The following ATP11C variants were observed in gnomAD, a reference collection of about 807,000 sequenced individuals.
The protein encoded by ATP11C is phospholipid-transporting ATPase IG.
In ATP11C, 36 loss-of-function variants were observed where a neutral mutation model predicts 97.4. That is an observed-to-expected ratio of 0.37 (90% confidence interval 0.28 to 0.49). ATP11C has a LOEUF of 0.49. ATP11C is among the 20% of genes least tolerant of loss of function. The pLI is 0.98. For synonymous variants in ATP11C, 275 were observed against 290.9 expected (o/e 0.95, Z 0.56); for missense variants, 730 against 824.6 (o/e 0.89, Z 1.40).
intron 1 of ATP11C, among the ~76,000 whole-genome samples, chrX:139,865,618 C>T (rs1424592281): frequency 3.6e-5 from 4 of 109,810 alleles, no homozygotes; most frequent in Non-Finnish European, 5.7e-5. Flanking sequence ...AAAAATTAGC[C>T]GGGCGTGGTG....
chrX:139,920,174 T>C (rs777074252), intron 1 of ATP11C, among the ~76,000 whole-genome samples: 3 of 109,438 alleles, frequency 2.7e-5, no homozygotes, highest in South Asian at 3.9e-4. Flanking sequence ...CTAGCCAACA[T>C]AGCAAAACCC....
intron 19 of ATP11C, among the ~76,000 whole-genome samples, chrX:139,770,617 G>A (rs1195008186): frequency 9.0e-6 from 1 of 110,652 alleles, no homozygotes; most frequent in Non-Finnish European, 1.9e-5. Context: ...AGGTGAGAAT[G>A]GGGGTATGAA....
chrX:139,830,902 AGGGCTGAAG>A (rs2147894780), intron 1 of ATP11C, among the ~76,000 whole-genome samples: 1 of 111,096 alleles, frequency 9.0e-6, no homozygotes, highest in East Asian at 2.8e-4. Flanking sequence ...TTTCCATACT[AGGGCTGAAG>A]GGGTGGGGGT....
chrX:139,925,305 G>C (rs2085333190), intron 1 of ATP11C, among the ~76,000 whole-genome samples: 1 of 111,863 alleles, frequency 8.9e-6, no homozygotes, highest in Non-Finnish European at 1.9e-5. Context: ...TATTATTTGA[G>C]ATGGAGTTTT....
intron 20 of ATP11C, among the ~76,000 whole-genome samples, chrX:139,767,960 A>C (rs146086946): frequency 1.2e-3 from 137 of 111,379 alleles, no homozygotes; most frequent in African/African-American, 4.1e-3. Context: ...ACACAGAGCT[A>C]ATGTCATAAG....
intron 2 of ATP11C, among the ~76,000 whole-genome samples, chrX:139,824,959 C>G (rs1359285161): frequency 9.0e-6 from 1 of 111,502 alleles, no homozygotes; most frequent in African/African-American, 3.3e-5. Flanking sequence ...GGTATAAATA[C>G]AAACAGCCAA....
rs574388667 is a variant in ATP11C at position 139,746,459 on chromosome X, T to G, written c.2829-602A>C. 1.6e-4 allele frequency among the ~76,000 whole-genome samples: 18 copies of G among 112,091 alleles called. No homozygotes were observed. The East Asian group carries it at 2.5e-3, about 16-fold the overall frequency. On this transcript the variant is annotated intron_variant, in intron 24 of 29. Transcript: ENST00000682941. ...TGTAGCAGCCGTGCCAAAGTTCACTTGGTAACAGACTGAGCTAATATACAA... is the reference window on the plus strand; with the variant it reads ...TGTAGCAGCCGTGCCAAAGTTCACTGGGTAACAGACTGAGCTAATATACAA...
At chrX:139,802,154 G>C (rs1255798404) in intron 7 of ATP11C, 82 bp downstream of exon 7, 14 of 682,867 alleles carry the variant, frequency 2.1e-5, no homozygotes, top group Non-Finnish European at 3.3e-5. Flanking sequence ...CTGGTAAGTG[G>C]TGGGTGTTTC....
At chrX:139,915,252 CT>C (rs1464025398) in intron 1 of ATP11C, among the ~76,000 whole-genome samples, 1 of 111,885 alleles carries the variant, frequency 8.9e-6, no homozygotes, top group Non-Finnish European at 1.9e-5. Flanking sequence ...CTGGTACCCC[CT>C]AAAGTTGCAA....
intron 1 of ATP11C, among the ~76,000 whole-genome samples, chrX:139,874,164 T>A (rs1049050782): frequency 9.5e-6 from 1 of 105,372 alleles, no homozygotes; most frequent in African/African-American, 3.5e-5. Context: ...TGCCTCAGCC[T>A]CCCGAGTACC....
intron 1 of ATP11C, among the ~76,000 whole-genome samples, chrX:139,836,704 A>G (rs2083755689): frequency 8.9e-6 from 1 of 111,772 alleles, no homozygotes; most frequent in Admixed American, 9.5e-5. Flanking sequence ...TAGAGGGTAC[A>G]TTGGTTCTTT....
Position 139,778,615 on chromosome X carries a change from C to T in ATP11C, c.1953-3662G>A, listed in dbSNP as rs1243813358. On this transcript the variant is annotated intron_variant, in intron 18 of 29. Coordinates refer to ENST00000682941, the MANE Select transcript of ATP11C (RefSeq NM_001353812.2). Reference sequence around the variant, plus strand: ...AAGCTGAGGCAGGAGGATCACCTGACGTCATGAGTTCGAGACCAGCCTGGC... The same window carrying T: ...AAGCTGAGGCAGGAGGATCACCTGATGTCATGAGTTCGAGACCAGCCTGGC... Among the ~76,000 whole-genome samples, 14 of 111,553 alleles carry T rather than the reference C, an allele frequency of 1.3e-4. 1 individual carries two copies. The highest frequency in any genetic ancestry group is 1.9e-4 in the Non-Finnish European group (10 of 53,108).
At chrX:139,766,628 G>A (rs992732411) in intron 20 of ATP11C, among the ~76,000 whole-genome samples, 14 of 111,341 alleles carry the variant, frequency 1.3e-4, no homozygotes, top group African/African-American at 2.0e-4. Context: ...GTGTGTGCGC[G>A]CGCACAGTAT....
intron 1 of ATP11C, among the ~76,000 whole-genome samples, chrX:139,895,533 G>T (rs2084792090): frequency 8.9e-6 from 1 of 112,100 alleles, no homozygotes; most frequent in Non-Finnish European, 1.9e-5. Flanking sequence ...GCCTCCCAAA[G>T]TGCTGGGATT....
chrX:139,896,588 CACACA>C (rs1221474701), intron 1 of ATP11C, among the ~76,000 whole-genome samples: 1 of 102,259 alleles, frequency 9.8e-6, no homozygotes, highest in Non-Finnish European at 2.0e-5. Flanking sequence ...CACACACACA[CACACA>C]CTTTTTTTCC....
At chrX:139,777,110 G>A (rs2082363246) in intron 18 of ATP11C, among the ~76,000 whole-genome samples, 1 of 110,967 alleles carries the variant, frequency 9.0e-6, no homozygotes, top group Non-Finnish European at 1.9e-5. Flanking sequence ...AAGAACTCTG[G>A]CGGTACAAAA....
At chrX:139,837,391 T>G (rs2147916068) in intron 1 of ATP11C, among the ~76,000 whole-genome samples, 1 of 112,115 alleles carries the variant, frequency 8.9e-6, no homozygotes, top group South Asian at 3.7e-4. Flanking sequence ...TTAGGAAACC[T>G]TTGCTCAGTG....
intron 20 of ATP11C, among the ~76,000 whole-genome samples, chrX:139,765,174 C>T (rs1291380723): frequency 9.0e-6 from 1 of 111,070 alleles, no homozygotes; most frequent in Non-Finnish European, 1.9e-5. Flanking sequence ...GACTTTTTCA[C>T]TCAGCCCTAG....
At chrX:139,796,984 CA>C (rs1046862214) in intron 11 of ATP11C, among the ~76,000 whole-genome samples, 191 bp downstream of exon 11, 4 of 109,022 alleles carry the variant, frequency 3.7e-5, no homozygotes, top group African/African-American at 1.3e-4. Context: ...GTTTTTTTTA[CA>C]AAAAAAACTT....
Sources: gnomAD v4.1 joint callset for allele counts (sites outside exome capture counted in the v4.1 genomes callset) on GRCh38, gnomAD v4.1.1 for gene constraint, MANE v1.5 for transcripts, NCBI Gene and HGNC (gene_info 2026-07-23, HGNC 2026-07-21) for gene names.